Variants in RAB3IL1 observed in about 807,000 individuals in gnomAD.
RAB3IL1 encodes the protein guanine nucleotide exchange factor for Rab-3A.
Under a neutral mutation model 49.2 loss-of-function variants are expected in RAB3IL1, and 37 were observed. That is an observed-to-expected ratio of 0.75 (90% confidence interval 0.58 to 0.99). The LOEUF (loss-of-function observed/expected upper bound fraction) is 0.99, where lower values mean the gene tolerates loss of function less well. RAB3IL1 is among the 50% of genes least tolerant of loss of function. The pLI is 0.00. For missense variants in RAB3IL1, 484 were observed against 513.0 expected (o/e 0.94, Z 0.55); for synonymous variants, 193 against 213.9 (o/e 0.90, Z 0.85).
chr11:61,911,592 G>A (rs755592412), intron 1 of RAB3IL1, among the ~76,000 whole-genome samples: 7 of 152,206 alleles, frequency 4.6e-5, no homozygotes, highest in East Asian at 1.9e-4. Context: ...GCTGCCCAGC[G>A]TCCCTACCCT....
In RAB3IL1 at chr11:61,917,408, G is replaced by A; in HGVS notation, c.-41C>T. On this transcript the variant is annotated 5_prime_UTR_variant, in exon 1 of 10. Transcript: ENST00000394836. Reference sequence around the variant, plus strand: ...CGCCCAGGCGTCCGTTCCCAGCGCCGCCGCGTCCTCCCAGCGCCGCGTCCC... The same window carrying A: ...CGCCCAGGCGTCCGTTCCCAGCGCCACCGCGTCCTCCCAGCGCCGCGTCCC... 8.2e-6 allele frequency: 10 copies of A among 1,220,230 alleles called. No homozygotes were observed. Among genetic ancestry groups the A allele is most frequent in the Non-Finnish European group, 1.0e-5 (10 of 982,514 alleles). The allele number at this position is 1,220,230 out of a possible 1,614,324, so 75.6% of individuals were successfully genotyped here.
chr11:61,906,781 A>G lies in RAB3IL1; in HGVS notation c.439-97T>C. The G allele has an allele frequency of 8.5e-7, 1 of 1,169,880 alleles. No individual in the cohort carries two copies. The highest frequency in any genetic ancestry group is 1.3e-5 in the South Asian group (1 of 76,630). 72.5% of individuals were successfully genotyped at this position (1,169,880 alleles called of 1,614,324 possible). A position where few individuals can be genotyped will look rare whatever the true frequency, so the allele number is the denominator to read the frequency against. ...CTAACTCAGGACAATGCACCCCTGCAGTGACAGGCACTTAGTCCCACCCGA... is the reference window on the plus strand; with the variant it reads ...CTAACTCAGGACAATGCACCCCTGCGGTGACAGGCACTTAGTCCCACCCGA... On this transcript the variant is annotated intron_variant, in intron 4 of 9. Coordinates refer to ENST00000394836, the MANE Select transcript of RAB3IL1 (RefSeq NM_013401.4). The surrounding 1 kb of genome is among the most constrained non-coding windows in gnomAD (Gnocchi z 4.6).
chr11:61,935,601 A>G, the RAB3IL1 span, among the ~76,000 whole-genome samples: 1 of 151,514 alleles, frequency 6.6e-6, no homozygotes, highest in South Asian at 2.1e-4. Context: ...TGCAACCCCC[A>G]CCTCCCAGGT....
Position 61,898,985 on chromosome 11 carries a change from G to A in RAB3IL1, c.1066+329C>T, listed in dbSNP as rs1176735634. On this transcript the variant is annotated intron_variant, in intron 9 of 9. Transcript: ENST00000394836. The surrounding 1 kb of genome is among the most constrained non-coding windows in gnomAD (Gnocchi z 5.1). ...CTGTCCAGCATGGAGTGGAGTGGGA[G>A]CAAAGGCTGGAGGTGGGTGACCCTG... The A allele has an allele frequency of 1.9e-6, 1 of 519,268 alleles. No individual in the cohort carries two copies. The highest frequency in any genetic ancestry group is 1.9e-5 in the African/African-American group (1 of 52,856). 32.2% of individuals were successfully genotyped at this position (519,268 alleles called of 1,614,324 possible).
At chr11:61,923,597 CAT>C (rs142710515), upstream of RAB3IL1, among the ~76,000 whole-genome samples, 1,106 of 152,310 alleles carry the variant, frequency 7.3e-3, 8 homozygotes, top group East Asian at 0.024. Flanking sequence ...GCCCCAAAAA[CAT>C]GTGTGCAGGT....
At chr11:61,901,931 T>C (rs1834610928) in intron 8 of RAB3IL1, among the ~76,000 whole-genome samples, 1 of 152,218 alleles carries the variant, frequency 6.6e-6, no homozygotes. Context: ...AGTAATTTGT[T>C]ACACCGTAAT....
upstream of RAB3IL1, among the ~76,000 whole-genome samples, chr11:61,923,989 G>T (rs944884280): frequency 4.6e-5 from 7 of 152,166 alleles, no homozygotes; most frequent in African/African-American, 1.7e-4. Flanking sequence ...GTGTGGAGGC[G>T]GCCGAATGGG....
the RAB3IL1 span, among the ~76,000 whole-genome samples, chr11:61,938,326 G>A: frequency 6.6e-6 from 1 of 152,146 alleles, no homozygotes; most frequent in Non-Finnish European, 1.5e-5. Context: ...GATCCCTTCG[G>A]CCCAGGAGTT....
chr11:61,903,023 G>A lies in RAB3IL1; in HGVS notation c.900-482C>T, dbSNP rs575200278. 3.6e-4 allele frequency among the ~76,000 whole-genome samples: 55 copies of A among 151,968 alleles called. No individual in the cohort carries two copies. The South Asian group carries it at 6.7e-3, about 18-fold the overall frequency. On this transcript the variant is annotated intron_variant, in intron 7 of 9. Transcript: ENST00000394836. ...TCTCAGCCGCATGCCAACCAACCCCGTCTAAGAGCCTTCTCCCATGCCCTC... is the reference window on the plus strand; with the variant it reads ...TCTCAGCCGCATGCCAACCAACCCCATCTAAGAGCCTTCTCCCATGCCCTC...
chr11:61,939,721 C>T, the RAB3IL1 span, among the ~76,000 whole-genome samples: 181 of 151,364 alleles, frequency 1.2e-3, 1 homozygote, highest in African/African-American at 4.1e-3. Flanking sequence ...GAGGCCAGTG[C>T]GGGGGAATTG....
At chr11:61,934,450 G>T in the RAB3IL1 span, among the ~76,000 whole-genome samples, 1 of 31,628 alleles carries the variant, frequency 3.2e-5, no homozygotes, top group Non-Finnish European at 7.0e-5. Flanking sequence ...GTGTGTGTAT[G>T]TATATATATA....
At chr11:61,925,681 G>A in the RAB3IL1 span, among the ~76,000 whole-genome samples, 1 of 151,774 alleles carries the variant, frequency 6.6e-6, no homozygotes, top group Non-Finnish European at 1.5e-5. Flanking sequence ...ATTCCCTGCA[G>A]AGGGACCAAC....
chr11:61,904,505 T>C (rs1424989995), intron 7 of RAB3IL1, 41 bp downstream of exon 7: 5 of 1,548,720 alleles, frequency 3.2e-6, no homozygotes, highest in Non-Finnish European at 4.4e-6. Flanking sequence ...TTGGCGGGGC[T>C]TTCCCACATG....
the RAB3IL1 span, among the ~76,000 whole-genome samples, chr11:61,926,212 C>T: frequency 0.062 from 9,299 of 150,594 alleles, 467 homozygotes; most frequent in African/African-American, 0.14. Flanking sequence ...AAAGAATTTG[C>T]GAAAATCAAT....
chr11:61,943,278 T>C, the RAB3IL1 span, among the ~76,000 whole-genome samples: 1 of 152,176 alleles, frequency 6.6e-6, no homozygotes, highest in African/African-American at 2.4e-5. Context: ...GACACCTGGA[T>C]AGCTACATGC....
chr11:61,944,301 T>C, the RAB3IL1 span, among the ~76,000 whole-genome samples: 1 of 151,354 alleles, frequency 6.6e-6, no homozygotes, highest in Non-Finnish European at 1.5e-5. Flanking sequence ...TCTTGCTCTG[T>C]CACCTAGTCT....
Position 61,908,131 on chromosome 11 carries a change from G to A in RAB3IL1, c.187C>T (p.Arg63Cys), listed in dbSNP as rs746126910. ...ATCTCCATGGAAGAGCTGCGCAGGC[G>A]CAACACGTCCAGCTGGGCGGCTGCG... ...GPAAAQLDVL[R>C]LRSSSMEIRE... Residue 63 changes from arginine to cysteine, a missense_variant, in exon 2 of 10, where the codon CGC becomes TGC. Arg to Cys is a radical substitution (Grantham distance 180, BLOSUM62 -3). Transcript: ENST00000394836. 5.0e-6 allele frequency: 8 copies of A among 1,602,048 alleles called. No homozygotes were observed. The highest frequency in any genetic ancestry group is 2.7e-5 in the African/African-American group (2 of 74,440).
Position 61,898,386 on chromosome 11 carries a change from G to A in RAB3IL1, c.1067-26C>T, listed in dbSNP as rs1267450955. 1.2e-6 allele frequency: 2 copies of A among 1,606,514 alleles called. No individual in the cohort carries two copies. Among genetic ancestry groups the A allele is most frequent in the Non-Finnish European group, 1.7e-6 (2 of 1,174,526 alleles). On this transcript the variant is annotated intron_variant, in intron 9 of 9. Coordinates refer to ENST00000394836, the MANE Select transcript of RAB3IL1 (RefSeq NM_013401.4). The surrounding 1 kb of genome is among the most constrained non-coding windows in gnomAD (Gnocchi z 5.1). ...CTGCAGGCAGAGAGAGGGTGAACAG[G>A]TCGGGGACAGCTCAGGGTCACCTCG...
At chr11:61,934,444 G>GTGTGTATGTGTATGTATGTA in the RAB3IL1 span, among the ~76,000 whole-genome samples, 1 of 83,660 alleles carries the variant, frequency 1.2e-5, no homozygotes, top group African/African-American at 4.9e-5. Context: ...GTGTGTGTGT[G>GTGTGTATGTGTATGTATGTA]TGTATGTATA....
Sources: gnomAD v4.1 joint callset for allele counts (sites outside exome capture counted in the v4.1 genomes callset) on GRCh38, gnomAD v4.1.1 for gene constraint, Gnocchi (gnomAD v3.1) non-coding constraint, MANE v1.5 for transcripts, NCBI Gene and HGNC (gene_info 2026-07-23, HGNC 2026-07-21) for gene names.